Variants in SLC25A21 observed in about 807,000 individuals in gnomAD.
The protein encoded by SLC25A21 is solute carrier family 25 member 21.
Under a neutral mutation model 43.8 loss-of-function variants are expected in SLC25A21, and 47 were observed. The observed-to-expected ratio is 1.07, with a 90% confidence interval of 0.85 to 1.37. The LOEUF (loss-of-function observed/expected upper bound fraction) is 1.37, where lower values mean the gene tolerates loss of function less well. SLC25A21 is among the 40% of genes most tolerant of loss of function. The pLI, the probability that SLC25A21 is intolerant of heterozygous loss-of-function variation, is 0.00. For missense variants in SLC25A21, 352 were observed against 350.2 expected, an observed-to-expected ratio of 1.00 and a Z score of -0.04; for synonymous variants, 131 against 121.3, an observed-to-expected ratio of 1.08 and a Z score of -0.52.
chr14:37,084,505 G>T (rs1160892300), intron 1 of SLC25A21, among the ~76,000 whole-genome samples: 1 of 152,168 alleles, frequency 6.6e-6, no homozygotes, highest in Non-Finnish European at 1.5e-5. Flanking sequence ...AATAATGTTA[G>T]TGATAAAATG....
chr14:36,963,874 T>G (rs1959554250), intron 1 of SLC25A21, among the ~76,000 whole-genome samples: 1 of 152,164 alleles, frequency 6.6e-6, no homozygotes, highest in Non-Finnish European at 1.5e-5. Context: ...CGGTAAAGAA[T>G]GGTTCTTCCT....
chr14:37,145,472 C>G (rs200885570), intron 1 of SLC25A21, among the ~76,000 whole-genome samples: 1,077 of 42,382 alleles, frequency 0.025, 8 homozygotes, highest in African/African-American at 0.046. Context: ...CACACACACA[C>G]ACACAGAGAG....
intron 1 of SLC25A21, among the ~76,000 whole-genome samples, chr14:36,965,605 A>G (rs1165287238): frequency 2.0e-5 from 3 of 152,212 alleles, no homozygotes; most frequent in African/African-American, 7.2e-5. Flanking sequence ...TAAGAACTAT[A>G]GCATTCTTAT....
chr14:36,954,655 C>T (rs893086823), intron 1 of SLC25A21, among the ~76,000 whole-genome samples: 2 of 151,970 alleles, frequency 1.3e-5, no homozygotes, highest in Non-Finnish European at 2.9e-5. Context: ...TTTTCAAAAT[C>T]GCTACGAGAG....
chr14:36,801,428 C>T (rs781072126), intron 3 of SLC25A21, among the ~76,000 whole-genome samples: 9 of 152,114 alleles, frequency 5.9e-5, no homozygotes, highest in Non-Finnish European at 1.5e-5. Flanking sequence ...TCAGCCCAGA[C>T]GTGGCTTTGA....
intron 1 of SLC25A21, among the ~76,000 whole-genome samples, chr14:36,971,473 T>G (rs1740109444): frequency 6.6e-6 from 1 of 152,024 alleles, no homozygotes; most frequent in South Asian, 2.1e-4. Context: ...AAGATTAGGG[T>G]GGGGTGACCA....
chr14:36,742,271 T>G (rs1278297364), intron 3 of SLC25A21, among the ~76,000 whole-genome samples: 2 of 152,160 alleles, frequency 1.3e-5, no homozygotes, highest in East Asian at 3.9e-4. Context: ...TGCTGTCAGA[T>G]CCAAGTTTTT....
At chr14:37,128,554 G>C (rs1476725820) in intron 1 of SLC25A21, among the ~76,000 whole-genome samples, 6 of 150,670 alleles carry the variant, frequency 4.0e-5, no homozygotes, top group Non-Finnish European at 8.9e-5. Flanking sequence ...GTGTGTGTGT[G>C]TGTGTGTGTG....
chr14:36,747,104 G>A (rs1004880391), intron 3 of SLC25A21, among the ~76,000 whole-genome samples: 9 of 152,032 alleles, frequency 5.9e-5, no homozygotes, highest in African/African-American at 2.2e-4. Context: ...TTAACAGTTG[G>A]AATGACTTGC....
intron 1 of SLC25A21, among the ~76,000 whole-genome samples, chr14:37,056,273 A>G (rs1422314995): frequency 6.6e-6 from 1 of 151,996 alleles, no homozygotes; most frequent in African/African-American, 2.4e-5. Flanking sequence ...GGCGGATCAT[A>G]AGGTCAGGAG....
intron 1 of SLC25A21, among the ~76,000 whole-genome samples, chr14:36,992,421 TA>T (rs1490828382): frequency 6.8e-6 from 1 of 147,076 alleles, no homozygotes; most frequent in Admixed American, 6.7e-5. Context: ...AAAAAATAAA[TA>T]AATAATAAAA....
intron 2 of SLC25A21, among the ~76,000 whole-genome samples, chr14:36,835,609 C>G (rs895384928): frequency 2.0e-5 from 3 of 152,188 alleles, no homozygotes; most frequent in African/African-American, 7.2e-5. Flanking sequence ...CCCCAAAACA[C>G]AAAGGATACA....
At chr14:37,026,097 C>T (rs1337874513) in intron 1 of SLC25A21, among the ~76,000 whole-genome samples, 2 of 152,098 alleles carry the variant, frequency 1.3e-5, no homozygotes, top group East Asian at 3.8e-4. Flanking sequence ...AAAAAAGAAG[C>T]AATCTTCAAC....
intron 5 of SLC25A21, among the ~76,000 whole-genome samples, chr14:36,727,457 T>C (rs1884647757): frequency 1.3e-5 from 2 of 152,016 alleles, no homozygotes; most frequent in South Asian, 4.1e-4. Flanking sequence ...GGAGGCCAAG[T>C]TGGGTGGATG....
intron 1 of SLC25A21, among the ~76,000 whole-genome samples, chr14:37,167,328 T>C (rs1964046096): frequency 6.6e-6 from 1 of 152,146 alleles, no homozygotes; most frequent in Non-Finnish European, 1.5e-5. Context: ...AATCAATGAC[T>C]TGGGGCCCTT....
At chr14:36,731,685 C>T (rs1354638146) in intron 4 of SLC25A21, among the ~76,000 whole-genome samples, 2 of 152,118 alleles carry the variant, frequency 1.3e-5, no homozygotes, top group Admixed American at 6.5e-5. Context: ...TCCCTCAAAG[C>T]CTTTTGGGTG....
intron 1 of SLC25A21, among the ~76,000 whole-genome samples, chr14:37,008,023 C>T (rs966107700): frequency 1.3e-5 from 2 of 151,866 alleles, no homozygotes; most frequent in African/African-American, 4.8e-5. Context: ...TGCAGGCAAC[C>T]ACTACTACGG....
chr14:37,080,773 T>A (rs1052608304), intron 1 of SLC25A21, among the ~76,000 whole-genome samples: 2 of 152,156 alleles, frequency 1.3e-5, no homozygotes, highest in Admixed American at 6.5e-5. Flanking sequence ...AGAGGCAATA[T>A]GAGATTCCAG....
At chr14:37,042,812 C>A (rs542101549) in intron 1 of SLC25A21, among the ~76,000 whole-genome samples, 6 of 152,210 alleles carry the variant, frequency 3.9e-5, no homozygotes, top group Non-Finnish European at 5.9e-5. Flanking sequence ...CTTACCTTTT[C>A]CATTACATAT....
Sources: gnomAD v4.1 joint callset for allele counts (sites outside exome capture counted in the v4.1 genomes callset) on GRCh38, gnomAD v4.1.1 for gene constraint, MANE v1.5 for transcripts, NCBI Gene and HGNC (gene_info 2026-07-23, HGNC 2026-07-21) for gene names.